The following PAWR variants were observed in gnomAD, a reference collection of about 807,000 sequenced individuals.
PAWR encodes PRKC apoptosis WT1 regulator protein.
In PAWR, 23 loss-of-function variants were observed where a neutral mutation model predicts 32.0. That is an observed-to-expected ratio of 0.72 (90% CI 0.52 to 1.02). The LOEUF (loss-of-function observed/expected upper bound fraction) is 1.02. PAWR is among the 50% of genes least tolerant of loss of function. The probability of loss-of-function intolerance (pLI) is 0.00; values close to 1 mark genes in which losing one functional copy is unlikely to be tolerated. For synonymous variants in PAWR, 226 were observed against 187.1 expected (o/e 1.21, Z -1.70); for missense variants, 457 against 437.7 (o/e 1.04, Z -0.39).
intron 6 of PAWR, among the ~76,000 whole-genome samples, chr12:79,593,709 T>G (rs901512175): frequency 1.3e-5 from 2 of 148,852 alleles, no homozygotes; most frequent in African/African-American, 4.9e-5. Context: ...GGGTTTTTTT[T>G]TTTTTTTTTT....
chr12:79,604,576 G>T, intron 4 of PAWR: 9 of 1,272,648 alleles, frequency 7.1e-6, no homozygotes, highest in Non-Finnish European at 9.2e-6. Context: ...AGAAGTACAG[G>T]ATATATTCTG....
At chr12:79,679,549 G>C (rs997807242) in intron 2 of PAWR, among the ~76,000 whole-genome samples, 1 of 152,154 alleles carries the variant, frequency 6.6e-6, no homozygotes, top group African/African-American at 2.4e-5. Context: ...AAAATTAAGG[G>C]AACATTTCTG....
At chr12:79,631,577 A>G (rs948735939) in intron 2 of PAWR, among the ~76,000 whole-genome samples, 2 of 152,200 alleles carry the variant, frequency 1.3e-5, no homozygotes, top group African/African-American at 2.4e-5. Context: ...CAAAATACAA[A>G]AAACACACTA....
At chr12:79,629,941 C>T (rs1875526657) in intron 2 of PAWR, among the ~76,000 whole-genome samples, 1 of 151,700 alleles carries the variant, frequency 6.6e-6, no homozygotes, top group Non-Finnish European at 1.5e-5. Context: ...AAAAGCACAA[C>T]ATAAAATTTG....
intron 4 of PAWR, among the ~76,000 whole-genome samples, chr12:79,610,937 A>G (rs1874407700): frequency 6.6e-6 from 1 of 151,518 alleles, no homozygotes; most frequent in Admixed American, 6.6e-5. Flanking sequence ...TATGTAAGAC[A>G]CATTCCACGA....
chr12:79,685,537 T>C (rs759722213), intron 2 of PAWR, among the ~76,000 whole-genome samples: 1 of 152,208 alleles, frequency 6.6e-6, no homozygotes, highest in Non-Finnish European at 1.5e-5. Flanking sequence ...GTTCAAACTA[T>C]GGAGTAGGTG....
intron 2 of PAWR, among the ~76,000 whole-genome samples, chr12:79,658,343 A>T (rs1877190924): frequency 6.6e-6 from 1 of 152,198 alleles, no homozygotes. Flanking sequence ...GAAAAGTTCA[A>T]CTTAGAGGTC....
intron 5 of PAWR, among the ~76,000 whole-genome samples, chr12:79,595,839 C>T (rs957890535): frequency 6.6e-6 from 1 of 151,452 alleles, no homozygotes; most frequent in African/African-American, 2.4e-5. Context: ...GCAACAAGAG[C>T]GAAACTCTGT....
At position 79,588,418 on chromosome 12, in the gene PAWR, A is replaced by G. The variant is rs976094348; in HGVS notation, c.*4189T>C. 6.6e-6 allele frequency: 1 copy of G among 152,008 alleles called. No individual in the cohort carries two copies. The highest frequency in any genetic ancestry group is 1.5e-5 in the Non-Finnish European group (1 of 67,860). The allele number at this position is 152,008 out of a possible 1,614,324, so 9.4% of individuals were successfully genotyped here. ...AAGTGTTCTTTTCCTAATTAACATT[A>G]TCTTTAAAAAATGGTAGATATTTCC... On this transcript the variant is annotated 3_prime_UTR_variant, in exon 7 of 7. Transcript: ENST00000328827.
At chr12:79,642,784 T>A (rs1213217526) in intron 2 of PAWR, among the ~76,000 whole-genome samples, 1 of 152,150 alleles carries the variant, frequency 6.6e-6, no homozygotes, top group Non-Finnish European at 1.5e-5. Context: ...ATTAACAACA[T>A]AATAGCTGAT....
intron 2 of PAWR, among the ~76,000 whole-genome samples, chr12:79,649,614 A>G (rs1441918260): frequency 6.6e-6 from 1 of 151,952 alleles, no homozygotes; most frequent in South Asian, 2.1e-4. Context: ...ATAGCAAAAC[A>G]CTGTCTCTAT....
rs1402878888 is a variant in PAWR at position 79,585,917 on chromosome 12, C to T, written c.*6690G>A. On this transcript the variant is annotated 3_prime_UTR_variant, in exon 7 of 7. Coordinates refer to ENST00000328827, the MANE Select transcript of PAWR (RefSeq NM_002583.4). ...TAGACGGCATAACCCTGTGTTACCC[C>T]GTTGGTATTACAGGCATGAGCCACT... The T allele has an allele frequency of 2.6e-5, 4 of 152,008 alleles. No individual in the cohort carries two copies. The highest frequency in any genetic ancestry group is 4.4e-5 in the Non-Finnish European group (3 of 68,004). The allele number at this position is 152,008 out of a possible 1,614,324, so 9.4% of individuals were successfully genotyped here.
At chr12:79,635,897 G>A (rs1016435668) in intron 2 of PAWR, among the ~76,000 whole-genome samples, 1 of 152,062 alleles carries the variant, frequency 6.6e-6, no homozygotes, top group Non-Finnish European at 1.5e-5. Context: ...TTCAATAAAT[G>A]TTTGCTGAAC....
rs924089705 is a variant in PAWR, at chr12:79,585,523, A to G, written c.*7084T>C. On this transcript the variant is annotated 3_prime_UTR_variant, in exon 7 of 7. Coordinates refer to ENST00000328827, the MANE Select transcript of PAWR (RefSeq NM_002583.4). ...TTTGGACTCAAAGACTAGCTTTGTG[A>G]TACAATGTCACCTTACCAATCTGTA... is the stretch of plus-strand genomic sequence containing the variant. 5.8e-6 allele frequency: 1 copy of G among 172,510 alleles called. No homozygotes were observed. Among genetic ancestry groups the G allele is most frequent in the Non-Finnish European group, 1.2e-5 (1 of 81,754 alleles). The allele number at this position is 172,510 out of a possible 1,614,324, so 10.7% of individuals were successfully genotyped here.
At chr12:79,600,141 T>C (rs552150641) in intron 4 of PAWR, among the ~76,000 whole-genome samples, 2 of 152,182 alleles carry the variant, frequency 1.3e-5, no homozygotes, top group Non-Finnish European at 2.9e-5. Context: ...CACATAATAC[T>C]TTCCAAGAAA....
chr12:79,617,384 A>G (rs1353478150), intron 3 of PAWR, among the ~76,000 whole-genome samples: 1 of 152,152 alleles, frequency 6.6e-6, no homozygotes, highest in Admixed American at 6.6e-5. Context: ...TTTTAACAGT[A>G]AAATGTTCCC....
intron 2 of PAWR, among the ~76,000 whole-genome samples, chr12:79,626,163 T>TAAAAAAA (rs565157190): frequency 1.2e-5 from 1 of 82,110 alleles, no homozygotes; most frequent in African/African-American, 3.6e-5. Context: ...GACTCCATCT[T>TAAAAAAA]AAAAAAAAAA....
At chr12:79,676,491 A>G (rs144295130) in intron 2 of PAWR, among the ~76,000 whole-genome samples, 24 of 152,308 alleles carry the variant, frequency 1.6e-4, no homozygotes, top group African/African-American at 5.8e-4. Flanking sequence ...ATAGTGTTCT[A>G]TAATTTCACA....
intron 3 of PAWR, among the ~76,000 whole-genome samples, chr12:79,620,833 G>C (rs1226141634): frequency 6.6e-6 from 1 of 152,108 alleles, no homozygotes; most frequent in Admixed American, 6.5e-5. Context: ...AGTCTCAGCA[G>C]GAGCAAACAG....
Sources: allele counts gnomAD v4.1 joint callset (sites outside exome capture counted in the v4.1 genomes callset), GRCh38; gene constraint gnomAD v4.1.1; transcripts MANE v1.5; gene names NCBI Gene and HGNC (gene_info 2026-07-23, HGNC 2026-07-21).